Variants in UCHL3 observed in about 807,000 individuals in gnomAD.
UCHL3 encodes the protein ubiquitin C-terminal hydrolase L3, also known as ubiquitin carboxyl-terminal hydrolase isozyme L3.
Under a neutral mutation model 35.8 loss-of-function variants are expected in UCHL3, and 22 were observed. The ratio of observed to expected loss-of-function variants is 0.61; its 90% CI spans 0.44 to 0.88. The LOEUF is 0.88. Among genes scored for constraint, UCHL3 ranks in the 40% least tolerant of loss-of-function variants. The pLI is 0.00. For missense variants in UCHL3, 229 were observed against 276.9 expected (o/e 0.83, Z 1.23); for synonymous variants, 90 against 92.8 (o/e 0.97, Z 0.17).
intron 7 of UCHL3, among the ~76,000 whole-genome samples, chr13:75,601,004 A>C (rs1307491332): frequency 6.6e-6 from 1 of 152,230 alleles, no homozygotes; most frequent in African/African-American, 2.4e-5. Context: ...TGAGGGGTTT[A>C]AGACTTCATT....
rs563545832 is a variant in UCHL3, at chr13:75,601,120, A to G, written c.551-3649A>G. Among the ~76,000 whole-genome samples, 3 of 152,350 alleles carry G rather than the reference A, an allele frequency of 2.0e-5. No homozygotes were observed. In the South Asian group the frequency reaches 6.2e-4, roughly 32 times the overall value. Reference sequence around the variant, plus strand: ...TGCAATCTCATGATAAAACTTGAACAAGTAAGGAGTTGCTTCTTAAAGATG... The same window carrying G: ...TGCAATCTCATGATAAAACTTGAACGAGTAAGGAGTTGCTTCTTAAAGATG... On this transcript the variant is annotated intron_variant, in intron 7 of 8. Transcript: ENST00000377595.
Position 75,569,370 on chromosome 13 carries a change from C to T in UCHL3, c.427-90C>T, listed in dbSNP as rs560806276. On this transcript the variant is annotated intron_variant, in intron 5 of 8. Transcript: ENST00000377595. ...TTCAATTTGTTGTTTCTTTAGAAGA[C>T]TTTAGGTGTTAAAATTTAGCTTTGT... 96 of 961,134 alleles carry T rather than the reference C, an allele frequency of 1.0e-4. No homozygotes were observed. The African/African-American group carries it at 1.6e-3, about 16-fold the overall frequency. The allele number at this position is 961,134 out of a possible 1,614,324, so 59.5% of individuals were successfully genotyped here.
chr13:75,550,303 T>C (rs1470376346), intron 2 of UCHL3, among the ~76,000 whole-genome samples: 1 of 152,186 alleles, frequency 6.6e-6, no homozygotes, highest in Non-Finnish European at 1.5e-5. Flanking sequence ...TGCCTCCTGT[T>C]AGTGCCGATT....
At chr13:75,556,161 A>G (rs1350841426) in intron 2 of UCHL3, among the ~76,000 whole-genome samples, 1 of 152,162 alleles carries the variant, frequency 6.6e-6, no homozygotes. Context: ...GCAAACTAAC[A>G]TTGTATCACC....
intron 5 of UCHL3, 67 bp downstream of exon 5, chr13:75,567,379 G>T: frequency 7.1e-7 from 1 of 1,409,200 alleles, no homozygotes; most frequent in Admixed American, 1.8e-5. Flanking sequence ...ATGTGTTTGG[G>T]GGTTTTGTCT....
At chr13:75,581,347 C>CTT (rs11310964) in intron 6 of UCHL3, among the ~76,000 whole-genome samples, 2 of 135,122 alleles carry the variant, frequency 1.5e-5, no homozygotes, top group East Asian at 4.3e-4. Flanking sequence ...CACTTGATTT[C>CTT]TTTTTTTTTT....
chr13:75,600,300 G>A (rs1238936906), intron 7 of UCHL3, among the ~76,000 whole-genome samples: 2 of 152,220 alleles, frequency 1.3e-5, no homozygotes, highest in African/African-American at 2.4e-5. Flanking sequence ...AGGTGGCTAC[G>A]TAAACAACAG....
intron 7 of UCHL3, among the ~76,000 whole-genome samples, chr13:75,603,121 C>A (rs1196917143): frequency 1.3e-5 from 2 of 152,088 alleles, no homozygotes; most frequent in Non-Finnish European, 2.9e-5. Context: ...TCCCAAACAG[C>A]TGGGACTACA....
At position 75,588,421 on chromosome 13, in the gene UCHL3, T is replaced by C. The variant is rs575203228; in HGVS notation, c.475-6494T>C. On this transcript the variant is annotated intron_variant, in intron 6 of 8. Coordinates refer to ENST00000377595, the MANE Select transcript of UCHL3 (RefSeq NM_006002.5). Reference sequence around the variant, plus strand: ...TTCTTTCCTTCTCTCTTTCCTGTTATTTGAACATAACCAGATTGAATGTGA... The same window carrying C: ...TTCTTTCCTTCTCTCTTTCCTGTTACTTGAACATAACCAGATTGAATGTGA... Among the ~76,000 whole-genome samples, 6 of 152,306 alleles carry C rather than the reference T, an allele frequency of 3.9e-5. No individual in the cohort carries two copies. In the South Asian group the frequency reaches 1.2e-3, roughly 32 times the overall value.
chr13:75,551,250 G>A (rs141328876), intron 2 of UCHL3, among the ~76,000 whole-genome samples: 7 of 152,044 alleles, frequency 4.6e-5, no homozygotes, highest in Non-Finnish European at 1.5e-5. Flanking sequence ...AGTCTGGCTG[G>A]TGAAACCCCG....
At chr13:75,574,771 C>G (rs923508712) in intron 6 of UCHL3, among the ~76,000 whole-genome samples, 1 of 152,096 alleles carries the variant, frequency 6.6e-6, no homozygotes, top group African/African-American at 2.4e-5. Context: ...ATCTGGGGGG[C>G]TTGGATTTTA....
chr13:75,580,344 G>T (rs951716154), intron 6 of UCHL3, among the ~76,000 whole-genome samples: 2 of 152,112 alleles, frequency 1.3e-5, no homozygotes, highest in African/African-American at 2.4e-5. Context: ...AAAATCTACA[G>T]AAATCCATTT....
At chr13:75,549,775 G>C, upstream of UCHL3, 1 of 1,059,472 alleles carries the variant, frequency 9.4e-7, no homozygotes. Flanking sequence ...CGGCGGCGGC[G>C]GCGAAGGCGG....
chr13:75,592,077 G>A (rs2032491086), intron 6 of UCHL3, among the ~76,000 whole-genome samples: 1 of 151,774 alleles, frequency 6.6e-6, no homozygotes, highest in African/African-American at 2.4e-5. Context: ...ACAGTGCCTG[G>A]TGGTATGTAT....
At chr13:75,591,661 A>G (rs1326433505) in intron 6 of UCHL3, among the ~76,000 whole-genome samples, 1 of 152,186 alleles carries the variant, frequency 6.6e-6, no homozygotes, top group African/African-American at 2.4e-5. Context: ...CATGGATTCT[A>G]GAAGCACACT....
intron 6 of UCHL3, among the ~76,000 whole-genome samples, chr13:75,575,056 AT>A (rs2031978880): frequency 6.6e-6 from 1 of 152,234 alleles, no homozygotes. Flanking sequence ...CATCACTGGC[AT>A]CACTGGTACT....
At chr13:75,580,997 G>A (rs924773918) in intron 6 of UCHL3, among the ~76,000 whole-genome samples, 1 of 152,054 alleles carries the variant, frequency 6.6e-6, no homozygotes, top group Admixed American at 6.6e-5. Context: ...GAGTTGTGCC[G>A]AATACTTTGT....
At chr13:75,602,671 G>C (rs1395861290) in intron 7 of UCHL3, among the ~76,000 whole-genome samples, 1 of 152,166 alleles carries the variant, frequency 6.6e-6, no homozygotes, top group African/African-American at 2.4e-5. Context: ...TTCTGTGAAG[G>C]ACCAAGTAGT....
chr13:75,561,366 A>G (rs1342853935), intron 3 of UCHL3, among the ~76,000 whole-genome samples: 3 of 152,166 alleles, frequency 2.0e-5, no homozygotes, highest in African/African-American at 7.2e-5. Context: ...TATTAAAGAG[A>G]TGATATTTCT....
Sources: gnomAD v4.1 joint callset for allele counts (sites outside exome capture counted in the v4.1 genomes callset) on GRCh38, gnomAD v4.1.1 for gene constraint, MANE v1.5 for transcripts, NCBI Gene and HGNC (gene_info 2026-07-23, HGNC 2026-07-21) for gene names.